IQCM: variants seen among roughly 807,000 people sequenced by gnomAD.
IQCM encodes IQ motif containing M, also known as IQ domain-containing protein M.
In IQCM, 45 loss-of-function variants were observed where a neutral mutation model predicts 57.6. The ratio of observed to expected loss-of-function variants is 0.78; its 90% CI spans 0.62 to 1.00. IQCM has a LOEUF of 1.00. Among genes scored for constraint, IQCM ranks in the 50% least tolerant of loss-of-function variants. The pLI is 0.00. For synonymous variants in IQCM, 148 were observed against 158.9 expected (o/e 0.93, Z 0.51); for missense variants, 468 against 511.6 (o/e 0.91, Z 0.82).
intron 12 of IQCM, among the ~76,000 whole-genome samples, chr4:149,446,531 A>C (rs905421795): frequency 6.6e-6 from 1 of 151,676 alleles, no homozygotes; most frequent in Non-Finnish European, 1.5e-5. Context: ...AAAACTTGAG[A>C]AATTATTACA....
intron 7 of IQCM, among the ~76,000 whole-genome samples, chr4:149,680,377 G>A (rs1762090407): frequency 6.6e-6 from 1 of 150,940 alleles, no homozygotes; most frequent in South Asian, 2.1e-4. Flanking sequence ...ATTTTGATTG[G>A]TATCTCTGCA....
intron 8 of IQCM, among the ~76,000 whole-genome samples, chr4:149,606,550 C>A (rs139359542): frequency 6.6e-6 from 1 of 152,058 alleles, no homozygotes; most frequent in African/African-American, 2.4e-5. Flanking sequence ...CATGACCTCA[C>A]CAAATTGACA....
chr4:149,364,988 T>C (rs1417574826), intron 13 of IQCM, among the ~76,000 whole-genome samples: 3 of 151,912 alleles, frequency 2.0e-5, no homozygotes, highest in Non-Finnish European at 4.4e-5. Context: ...ATATATAAAA[T>C]TATAGATATG....
intron 7 of IQCM, among the ~76,000 whole-genome samples, chr4:149,658,752 G>A (rs1010988752): frequency 6.6e-6 from 1 of 151,932 alleles, no homozygotes; most frequent in Admixed American, 6.6e-5. Flanking sequence ...TCATGGAATT[G>A]TTTCCTTGAG....
intron 12 of IQCM, among the ~76,000 whole-genome samples, chr4:149,461,945 C>T (rs544452210): frequency 4.0e-4 from 61 of 152,042 alleles, no homozygotes; most frequent in African/African-American, 1.3e-3. Flanking sequence ...TTGGATTAGT[C>T]TTAACAGTAC....
At chr4:149,614,007 A>G (rs1476805619) in intron 8 of IQCM, among the ~76,000 whole-genome samples, 5 of 152,102 alleles carry the variant, frequency 3.3e-5, no homozygotes, top group Admixed American at 3.3e-4. Context: ...CTTTGAAACA[A>G]TATGTTTCTA....
intron 10 of IQCM, among the ~76,000 whole-genome samples, chr4:149,558,277 G>A (rs1199866772): frequency 6.6e-6 from 1 of 152,170 alleles, no homozygotes; most frequent in Non-Finnish European, 1.5e-5. Context: ...ATGGGTGGTG[G>A]CAGGTTTCAA....
At chr4:149,478,007 C>A (rs1389502137) in intron 12 of IQCM, among the ~76,000 whole-genome samples, 1 of 152,090 alleles carries the variant, frequency 6.6e-6, no homozygotes, top group African/African-American at 2.4e-5. Flanking sequence ...GTTTATTAAT[C>A]TATAAAATGA....
At chr4:149,663,757 A>G (rs1225406141) in intron 7 of IQCM, among the ~76,000 whole-genome samples, 1 of 152,092 alleles carries the variant, frequency 6.6e-6, no homozygotes, top group African/African-American at 2.4e-5. Flanking sequence ...CAGCTTTTAG[A>G]ATTCTCTGTG....
rs527503106 is a variant in IQCM, at chr4:149,707,880, A to C, written c.386-21412T>G. Among the ~76,000 whole-genome samples the C allele has an allele frequency of 2.0e-5, 3 of 152,152 alleles. No individual in the cohort carries two copies. In the South Asian group the frequency reaches 6.2e-4, roughly 32 times the overall value. On this transcript the variant is annotated intron_variant, in intron 5 of 13. Coordinates refer to ENST00000636793, the MANE Select transcript of IQCM (RefSeq NM_001363507.2). ...AAATGTATGATTGTTAGGTGAATGCAAATTAGTGTATTTCATATGTATTTC... is the reference window on the plus strand; with the variant it reads ...AAATGTATGATTGTTAGGTGAATGCCAATTAGTGTATTTCATATGTATTTC...
chr4:149,653,077 T>G (rs1759334544), intron 7 of IQCM, among the ~76,000 whole-genome samples: 1 of 152,234 alleles, frequency 6.6e-6, no homozygotes. Flanking sequence ...TGAGATTTTT[T>G]TTATCCTAGC....
At chr4:149,641,481 GCAATTAAAGAT>G (rs1212814431) in intron 7 of IQCM, among the ~76,000 whole-genome samples, 3 of 151,954 alleles carry the variant, frequency 2.0e-5, no homozygotes, top group Non-Finnish European at 2.9e-5. Flanking sequence ...ATGATTTGGG[GCAATTAAAGAT>G]CATGAAAAAC....
intron 5 of IQCM, among the ~76,000 whole-genome samples, chr4:149,704,258 C>G (rs1239855743): frequency 6.6e-6 from 1 of 151,902 alleles, no homozygotes; most frequent in Non-Finnish European, 1.5e-5. Flanking sequence ...AAGCTTCTTC[C>G]TACACAATCA....
At chr4:149,667,802 G>A (rs377108647) in intron 7 of IQCM, among the ~76,000 whole-genome samples, 82 of 151,666 alleles carry the variant, frequency 5.4e-4, no homozygotes, top group Non-Finnish European at 6.6e-4. Context: ...ATCAGTAGCC[G>A]AATTAATCAA....
chr4:149,656,900 C>T (rs1055076567), intron 7 of IQCM, among the ~76,000 whole-genome samples: 1 of 151,982 alleles, frequency 6.6e-6, no homozygotes, highest in Admixed American at 6.6e-5. Flanking sequence ...GCAAAGAGAA[C>T]AAAATCAGAA....
At chr4:149,586,573 TTTA>T (rs1055883861) in intron 9 of IQCM, among the ~76,000 whole-genome samples, 4 of 151,656 alleles carry the variant, frequency 2.6e-5, no homozygotes, top group Non-Finnish European at 4.4e-5. Flanking sequence ...GTTAATTTGA[TTTA>T]TTGTTTCCCT....
intron 2 of IQCM, among the ~76,000 whole-genome samples, chr4:149,789,319 A>C (rs1772360007): frequency 6.6e-6 from 1 of 152,204 alleles, no homozygotes; most frequent in Non-Finnish European, 1.5e-5. Context: ...ACAGTTCAGT[A>C]ATTATAAATT....
At chr4:149,774,298 C>G (rs1158840264) in intron 2 of IQCM, among the ~76,000 whole-genome samples, 3 of 152,250 alleles carry the variant, frequency 2.0e-5, no homozygotes, top group East Asian at 1.9e-4. Flanking sequence ...GGTCCTGAAA[C>G]AGATATCCAG....
chr4:149,593,236 C>G (rs1729002797), intron 8 of IQCM, among the ~76,000 whole-genome samples: 1 of 152,114 alleles, frequency 6.6e-6, no homozygotes. Flanking sequence ...TGGGAGTTCA[C>G]TCACGATTTG....
Sources: allele counts gnomAD v4.1 joint callset (sites outside exome capture counted in the v4.1 genomes callset), GRCh38; gene constraint gnomAD v4.1.1; transcripts MANE v1.5; gene names NCBI Gene and HGNC (gene_info 2026-07-23, HGNC 2026-07-21).